MAPK6: variants seen among roughly 807,000 people sequenced by gnomAD.
MAPK6 encodes mitogen-activated protein kinase 6, also known as ERK-3.
Under a neutral mutation model 59.3 loss-of-function variants are expected in MAPK6, and 19 were observed. That is an observed-to-expected ratio of 0.32 (90% CI 0.22 to 0.47). MAPK6 has a LOEUF of 0.47. Ranked by LOEUF, MAPK6 falls within the 20% of genes least tolerant of loss-of-function variation. The pLI is 1.00. For synonymous variants in MAPK6, 316 were observed against 290.3 expected (o/e 1.09, Z -0.90); for missense variants, 724 against 847.9 (o/e 0.85, Z 1.81).
chr15:52,060,347 G>A (rs1232623441), intron 4 of MAPK6, among the ~76,000 whole-genome samples: 2 of 152,190 alleles, frequency 1.3e-5, no homozygotes. Context: ...GAGGATGTGT[G>A]AGTGACCATA....
chr15:52,043,748 T>A (rs1181121273), intron 1 of MAPK6, among the ~76,000 whole-genome samples: 1 of 98,870 alleles, frequency 1.0e-5, no homozygotes, highest in South Asian at 3.8e-4. Context: ...TTTGATTTTT[T>A]TTTTTTTTTT....
At chr15:52,003,762 G>C (rs2057249666) in intron 2 of MAPK6, among the ~76,000 whole-genome samples, 1 of 152,230 alleles carries the variant, frequency 6.6e-6, no homozygotes, top group Non-Finnish European at 1.5e-5. Context: ...GCCTCCTGTT[G>C]CTGATGCAAA....
In MAPK6 at chr15:52,066,002, G is replaced by C. The variant is rs1198362567; in HGVS notation, c.*1002G>C. 1 of 152,596 alleles carries C rather than the reference G, an allele frequency of 6.6e-6. No homozygotes were observed. Among genetic ancestry groups the C allele is most frequent in the Admixed American group, 6.6e-5 (1 of 15,264 alleles). The allele number at this position is 152,596 out of a possible 1,614,324, so 9.5% of individuals were successfully genotyped here. Reference sequence around the variant, plus strand: ...TTTTAAAAAAACAAATGTTAGACTTGTGTGCATGGAAGTAATTAAGGTACA... The same window carrying C: ...TTTTAAAAAAACAAATGTTAGACTTCTGTGCATGGAAGTAATTAAGGTACA... On this transcript the variant is annotated 3_prime_UTR_variant, in exon 6 of 6. Coordinates refer to ENST00000261845, the MANE Select transcript of MAPK6 (RefSeq NM_002748.4).
chr15:51,996,303 A>G (rs551283803), intron 2 of MAPK6, among the ~76,000 whole-genome samples: 3 of 152,348 alleles, frequency 2.0e-5, no homozygotes, highest in South Asian at 4.1e-4. Context: ...TCTGGATTCT[A>G]GGAGTCTTCA....
At chr15:51,982,641 T>G (rs984708716) in intron 1 of MAPK6, among the ~76,000 whole-genome samples, 1 of 152,134 alleles carries the variant, frequency 6.6e-6, no homozygotes, top group Admixed American at 6.6e-5. Flanking sequence ...ACACTTCTTA[T>G]GATAAAATGA....
chr15:51,990,878 C>T (rs1301289263), intron 2 of MAPK6, among the ~76,000 whole-genome samples: 4 of 152,092 alleles, frequency 2.6e-5, no homozygotes, highest in South Asian at 4.1e-4. Context: ...GGCATGAACT[C>T]GGGAGGCGGA....
At chr15:51,978,954 CA>C (rs1298546830) in intron 1 of MAPK6, among the ~76,000 whole-genome samples, 2 of 151,012 alleles carry the variant, frequency 1.3e-5, no homozygotes, top group Non-Finnish European at 3.0e-5. Context: ...GACCTGGTCA[CA>C]AAAAAATTAG....
chr15:52,046,449 A>G lies in MAPK6; in HGVS notation c.-12A>G, dbSNP rs771602277. On this transcript the variant is annotated 5_prime_UTR_variant, in exon 2 of 6. Coordinates refer to ENST00000261845, the MANE Select transcript of MAPK6 (RefSeq NM_002748.4). ...CAATTTGAAAGGAAAAGGCAATAGT[A>G]AGGGTTTCAAAATGGCAGAGAAATT... The G allele has an allele frequency of 6.3e-6, 10 of 1,579,704 alleles. No individual in the cohort carries two copies. Among genetic ancestry groups the G allele is most frequent in the Non-Finnish European group, 7.7e-6 (9 of 1,162,590 alleles).
At chr15:51,974,658 CAAAAAA>C (rs765698138) in intron 1 of MAPK6, among the ~76,000 whole-genome samples, 8 of 32,964 alleles carry the variant, frequency 2.4e-4, no homozygotes, top group African/African-American at 9.8e-4. Flanking sequence ...GACTCCGTCT[CAAAAAA>C]AAAAAAAAAA....
At position 52,064,118 on chromosome 15, in the gene MAPK6, A is replaced by G. The variant is rs1253424984; in HGVS notation, c.1284A>G (p.Ser428=). Residue 428 remains serine (S), a synonymous_variant, in exon 6 of 6, where the codon TCA becomes TCG. Coordinates refer to ENST00000261845, the MANE Select transcript of MAPK6 (RefSeq NM_002748.4). ...CTACTGAGCCTTGTTGGCAATACTC[A>G]GATCATCATGAAAACAAATATTGTG... ...NYSTEPCWQY[S]DHHENKYCDL... 3 of 1,611,954 alleles carry G rather than the reference A, an allele frequency of 1.9e-6. No homozygotes were observed. The highest frequency in any genetic ancestry group is 1.1e-5 in the South Asian group (1 of 90,804).
At chr15:52,058,094 G>A (rs2032053631) in intron 3 of MAPK6, among the ~76,000 whole-genome samples, 1 of 152,194 alleles carries the variant, frequency 6.6e-6, no homozygotes, top group Non-Finnish European at 1.5e-5. Flanking sequence ...CTGGAGTACA[G>A]CAAATGGAAT....
rs71130114 is a variant in MAPK6, at chr15:52,001,509, C to CTTTTTTTTT, written c.-769-2747_-769-2739dup. On this transcript the variant is annotated intron_variant, in intron 2 of 7. Coordinates refer to the MAPK6 transcript ENST00000691380. ...TGGTATACCTTTGTCCTTTTCCTTT[C>CTTTTTTTTT]TTTTTTTTTTTTTTTTTCAGATGGA... 2.3e-5 allele frequency among the ~76,000 whole-genome samples: 3 copies of CTTTTTTTTT among 128,092 alleles called. 1 individual carries two copies. The highest frequency in any genetic ancestry group is 8.9e-5 in the African/African-American group (3 of 33,628). 84.0% of individuals were successfully genotyped at this position (128,092 alleles called of 152,430 possible). A position where few individuals can be genotyped will look rare whatever the true frequency, so the allele number is the denominator to read the frequency against.
chr15:51,991,144 T>TACACACAC (rs549438786), intron 2 of MAPK6, among the ~76,000 whole-genome samples: 11 of 104,310 alleles, frequency 1.1e-4, no homozygotes, highest in East Asian at 1.0e-3. Context: ...GAAATATATA[T>TACACACAC]ATATACACAC....
At chr15:52,006,535 G>T (rs2057259196) in intron 3 of MAPK6, among the ~76,000 whole-genome samples, 2 of 152,324 alleles carry the variant, frequency 1.3e-5, no homozygotes, top group East Asian at 3.9e-4. Context: ...CTAAAACACA[G>T]AAGTTCACAA....
At chr15:52,004,668 G>A (rs2057252408) in intron 3 of MAPK6, among the ~76,000 whole-genome samples, 2 of 152,130 alleles carry the variant, frequency 1.3e-5, no homozygotes, top group Non-Finnish European at 2.9e-5. Context: ...AAGGCAGAAG[G>A]GCAAGAGTGA....
intron 1 of MAPK6, among the ~76,000 whole-genome samples, chr15:52,034,514 T>A (rs1341866577): frequency 6.6e-6 from 1 of 152,104 alleles, no homozygotes; most frequent in Non-Finnish European, 1.5e-5. Flanking sequence ...TTCACCATGT[T>A]GCCCAGGCTG....
Position 52,064,005 on chromosome 15 carries a change from G to A in MAPK6, c.1171G>A (p.Glu391Lys), listed in dbSNP as rs1566915933. The A allele has an allele frequency of 1.2e-6, 2 of 1,613,670 alleles. No individual in the cohort carries two copies. The highest frequency in any genetic ancestry group is 1.7e-6 in the Non-Finnish European group (2 of 1,179,710). The change falls in exon 6 of 6, where the codon GAA becomes AAA. Residue 391 changes from glutamate (E) to lysine (K), a missense_variant. By Grantham distance (56) the Glu-to-Lys change is moderately conservative. This residue lies in a region of MAPK6 where 502 missense variants were observed against 507.6 expected (regional missense o/e 0.99). Transcript: ENST00000261845. ...AAGAGCTCTGTCCGATGTCACTGAT[G>A]AAGAAGAAGTACAAGTTGATCCCCG... ...DPRALSDVTD[E>K]EEVQVDPRKY...
intron 1 of MAPK6, among the ~76,000 whole-genome samples, chr15:51,974,728 C>T (rs560021109): frequency 6.0e-5 from 9 of 150,230 alleles, no homozygotes; most frequent in Admixed American, 1.3e-4. Context: ...TCTTTTTTCC[C>T]CCCCCGCAAG....
chr15:52,016,052 T>TCGCG (rs376275284), upstream of MAPK6, among the ~76,000 whole-genome samples: 294 of 68,632 alleles, frequency 4.3e-3, 9 homozygotes, highest in African/African-American at 0.011. Flanking sequence ...CCAAACTCCA[T>TCGCG]CGCGCGCGCG....
Sources: allele counts gnomAD v4.1 joint callset (sites outside exome capture counted in the v4.1 genomes callset), GRCh38; gene constraint gnomAD v4.1.1; regional missense constraint gnomAD v4.1.1; transcripts MANE v1.5; gene names NCBI Gene and HGNC (gene_info 2026-07-23, HGNC 2026-07-21).